Variants in CAMSAP3 observed in about 807,000 individuals in gnomAD.
CAMSAP3 encodes calmodulin regulated spectrin associated protein family member 3.
In CAMSAP3, 34 loss-of-function variants were observed where a neutral mutation model predicts 112.5. That is an observed-to-expected ratio of 0.30 (90% CI 0.23 to 0.40). CAMSAP3 has a LOEUF of 0.40. Among genes scored for constraint, CAMSAP3 ranks in the 10% least tolerant of loss-of-function variants. CAMSAP3 has a pLI of 1.00. For missense variants in CAMSAP3, 1,602 were observed against 1,770.3 expected (o/e 0.90, Z 1.71); for synonymous variants, 868 against 799.8 (o/e 1.09, Z -1.44).
chr19:7,614,312 AC>A (rs1246723522), intron 11 of CAMSAP3, among the ~76,000 whole-genome samples: 1 of 128,302 alleles, frequency 7.8e-6, no homozygotes, highest in African/African-American at 2.9e-5. Flanking sequence ...CCTGGGGAGG[AC>A]TTCCTTTTCA....
chr19:7,596,956 GTA>G lies in CAMSAP3; in HGVS notation c.148+807_148+808del, dbSNP rs141755523. 5.4e-4 allele frequency among the ~76,000 whole-genome samples: 82 copies of G among 152,166 alleles called. No homozygotes were observed. The East Asian group carries it at 0.014, about 27-fold the overall frequency. On this transcript the variant is annotated intron_variant, in intron 1 of 16. Transcript: ENST00000160298. ...GAGCCACCCTAATGGGGAGGATGCC[GTA>G]ATCCCGGGTCCCCGGGATTAGAGGC... is the stretch of plus-strand genomic sequence containing the variant.
Position 7,615,214 on chromosome 19 carries a change from A to G in CAMSAP3, c.2702A>G (p.Gln901Arg), listed in dbSNP as rs772767331. 1.9e-6 allele frequency: 3 copies of G among 1,553,072 alleles called. No homozygotes were observed. Among genetic ancestry groups the G allele is most frequent in the Non-Finnish European group, 1.7e-6 (2 of 1,148,506 alleles). Reference sequence around the variant, plus strand: ...GACAAGCCTGAGGACGAGATGGCCCAAAAGCGGGCCAGCCTGCTGGAGCGG... The same window carrying G: ...GACAAGCCTGAGGACGAGATGGCCCGAAAGCGGGCCAGCCTGCTGGAGCGG... ...DEDKPEDEMA[Q>R]KRASLLERQQ... The change falls in exon 12 of 17, where the codon CAA becomes CGA. Residue 901 changes from glutamine to arginine, a missense_variant. Physicochemically the swap from Gln to Arg is conservative, Grantham distance 43. Around this residue, in one of 6 missense-constraint regions of CAMSAP3, gnomAD observed 1,100 missense variants for 1,135.7 expected, o/e 0.97. Coordinates refer to ENST00000160298, the MANE Select transcript of CAMSAP3 (RefSeq NM_020902.2). This position sits in a 1 kb window ranked among gnomAD's most constrained non-coding sequence, Gnocchi z 6.5.
At position 7,605,933 on chromosome 19, in the gene CAMSAP3, T is replaced by C. The variant is rs1333277984; in HGVS notation, c.403-338T>C. ...TTCCCCCCAGCCCTGGCTCCTCCCC[T>C]CAAGCTCTTCCCATCAAGCCTGGCC... On this transcript the variant is annotated intron_variant, in intron 2 of 16. Coordinates refer to ENST00000160298, the MANE Select transcript of CAMSAP3 (RefSeq NM_020902.2). 2.6e-5 allele frequency among the ~76,000 whole-genome samples: 4 copies of C among 151,228 alleles called. No individual in the cohort carries two copies. The East Asian group carries it at 7.8e-4, about 30-fold the overall frequency.
chr19:7,610,369 G>A lies in CAMSAP3; in HGVS notation c.761-107G>A. On this transcript the variant is annotated intron_variant, in intron 5 of 16. Coordinates refer to ENST00000160298, the MANE Select transcript of CAMSAP3 (RefSeq NM_020902.2). The surrounding 1 kb of genome is among the most constrained non-coding windows in gnomAD (Gnocchi z 4.9). ...CTCGAAGGGCACCTGGCAGAAGCTG[G>A]GCTCATAGGAGGTCTTCCGTGTGTG... The A allele has an allele frequency of 1.0e-6, 1 of 983,726 alleles. No homozygotes were observed. Among genetic ancestry groups the A allele is most frequent in the East Asian group, 2.5e-5 (1 of 40,648 alleles). The allele number at this position is 983,726 out of a possible 1,614,324, so 60.9% of individuals were successfully genotyped here.
In CAMSAP3 at chr19:7,608,094, G is replaced by C. The variant is rs2030307438; in HGVS notation, c.622-32G>C. ...GACCGCTGACCCTGGGGGCCAGCCT[G>C]GCCACTCACCTGACCTGGCTCCCAT... On this transcript the variant is annotated intron_variant, in intron 4 of 16. Coordinates refer to ENST00000160298, the MANE Select transcript of CAMSAP3 (RefSeq NM_020902.2). The C allele has an allele frequency of 3.8e-6, 6 of 1,598,144 alleles. No homozygotes were observed. The East Asian group carries it at 1.3e-4, about 36-fold the overall frequency.
At chr19:7,606,970 C>T (rs1208082091) in intron 4 of CAMSAP3, among the ~76,000 whole-genome samples, 1 of 152,118 alleles carries the variant, frequency 6.6e-6, no homozygotes, top group Non-Finnish European at 1.5e-5. Flanking sequence ...GAGAACCCCT[C>T]TGTGAACCAA....
chr19:7,606,699 C>A (rs1028724039), intron 4 of CAMSAP3, 128 bp downstream of exon 4: 1 of 1,594,190 alleles, frequency 6.3e-7, no homozygotes, highest in Non-Finnish European at 8.6e-7. Flanking sequence ...TTTCTTCCCC[C>A]CTCTCTCAAT....
chr19:7,596,745 C>G (rs778262383), intron 1 of CAMSAP3, among the ~76,000 whole-genome samples: 116 of 152,288 alleles, frequency 7.6e-4, no homozygotes, highest in Admixed American at 2.9e-3. Context: ...TCCATAGCCC[C>G]CTCCAGCGCC....
chr19:7,617,849 A>T lies in CAMSAP3; in HGVS notation c.3542A>T (p.Glu1181Val). 6.2e-7 allele frequency: 1 copy of T among 1,613,862 alleles called. No individual in the cohort carries two copies. Among genetic ancestry groups the T allele is most frequent in the Non-Finnish European group, 8.5e-7 (1 of 1,180,020 alleles). ...TACACGCTGTCGGGGGAGACAGAGG[A>T]GCTGTCGCGGCTGGCAGGGTATGGG... Reference protein sequence around the residue: ...ALYTLSGETEELSRLAGYGPR... With the variant: ...ALYTLSGETEVLSRLAGYGPR... Residue 1181 changes from glutamate (E) to valine (V), a missense_variant, in exon 17 of 17, where the codon GAG becomes GTG. Glu to Val is a moderately radical substitution (Grantham distance 121). Transcript: ENST00000160298. This position sits in a 1 kb window ranked among gnomAD's most constrained non-coding sequence, Gnocchi z 7.5.
intron 2 of CAMSAP3, 87 bp from the exon 3 acceptor site, chr19:7,606,184 C>T: frequency 4.4e-6 from 4 of 914,258 alleles, no homozygotes; most frequent in Non-Finnish European, 6.3e-6. Context: ...CTCCCATCTG[C>T]AGGTTCTTCC....
intron 13 of CAMSAP3, among the ~76,000 whole-genome samples, chr19:7,616,197 CAAAA>C (rs74266728): frequency 0.21 from 19,506 of 94,470 alleles, 1,344 homozygotes; most frequent in African/African-American, 0.22. Context: ...AGAAATAAGA[CAAAA>C]AAAAAAAAAA....
In CAMSAP3 at chr19:7,610,555, C is replaced by T. The variant is rs2030424798; in HGVS notation, c.840C>T (p.Arg280=). 6.2e-7 allele frequency: 1 copy of T among 1,613,698 alleles called. No individual in the cohort carries two copies. The highest frequency in any genetic ancestry group is 1.7e-5 in the Admixed American group (1 of 60,004). Residue 280 remains arginine (R), a synonymous_variant, in exon 6 of 17, where the codon CGC becomes CGT. Coordinates refer to ENST00000160298, the MANE Select transcript of CAMSAP3 (RefSeq NM_020902.2). This position sits in a 1 kb window ranked among gnomAD's most constrained non-coding sequence, Gnocchi z 4.9. ...TCGTGCAGGATTTCTGTGCCTCTCG[C>T]CTTCCTCGTGGCTGCCCCCTGTCCC... ...LQLVQDFCAS[R]LPRGCPLSLE... is the part of the protein sequence containing the mutation.
rs756787201 is a variant in CAMSAP3 at position 7,617,318 on chromosome 19, C to T, written c.3213-8C>T. 9.3e-6 allele frequency: 15 copies of T among 1,604,988 alleles called. No individual in the cohort carries two copies. Among genetic ancestry groups the T allele is most frequent in the Non-Finnish European group, 1.3e-5 (15 of 1,171,724 alleles). ...CCCCACCTCCATCCCATCCTTCTCCCACTGCAGGGCTCCCTCCCCGTCAGG... is the reference window on the plus strand; with the variant it reads ...CCCCACCTCCATCCCATCCTTCTCCTACTGCAGGGCTCCCTCCCCGTCAGG... On this transcript the variant is annotated splice_polypyrimidine_tract_variant and splice_region_variant and intron_variant, in intron 14 of 16. Transcript: ENST00000160298. This position sits in a 1 kb window ranked among gnomAD's most constrained non-coding sequence, Gnocchi z 7.5.
rs1366793727 is a variant in CAMSAP3, at chr19:7,617,137, G to A, written c.3213-189G>A. Among the ~76,000 whole-genome samples, 1 of 151,748 alleles carries A rather than the reference G, an allele frequency of 6.6e-6. No individual in the cohort carries two copies. The highest frequency in any genetic ancestry group is 1.5e-5 in the Non-Finnish European group (1 of 67,930). Reference sequence around the variant, plus strand: ...TCACCATGTTGGCCAGGCTGGCCTCGAACTCCCGACCTCAAGTGATCTGCC... The same window carrying A: ...TCACCATGTTGGCCAGGCTGGCCTCAAACTCCCGACCTCAAGTGATCTGCC... On this transcript the variant is annotated intron_variant, in intron 14 of 16. Transcript: ENST00000160298. The surrounding 1 kb of genome is among the most constrained non-coding windows in gnomAD (Gnocchi z 7.5).
chr19:7,597,919 G>C (rs2024471902), intron 1 of CAMSAP3, among the ~76,000 whole-genome samples: 1 of 152,114 alleles, frequency 6.6e-6, no homozygotes, highest in African/African-American at 2.4e-5. Flanking sequence ...GGCAGTGGCT[G>C]CCTCTACCGT....
At chr19:7,606,778 G>T in intron 4 of CAMSAP3, 1 of 1,613,784 alleles carries the variant, frequency 6.2e-7, no homozygotes, top group Non-Finnish European at 8.5e-7. Flanking sequence ...TGGCCTCAGT[G>T]CCCTACGCGC....
Position 7,610,304 on chromosome 19 carries a change from C to T in CAMSAP3, c.761-172C>T, listed in dbSNP as rs995880894. 2.7e-5 allele frequency among the ~76,000 whole-genome samples: 4 copies of T among 145,798 alleles called. No individual in the cohort carries two copies. The highest frequency in any genetic ancestry group is 7.7e-5 in the African/African-American group (3 of 38,860). On this transcript the variant is annotated intron_variant, in intron 5 of 16. Transcript: ENST00000160298. This position sits in a 1 kb window ranked among gnomAD's most constrained non-coding sequence, Gnocchi z 4.9. The stretch of plus-strand genomic sequence containing the variant: ...CTGCACTACAGCCTGGGTGACAGAG[C>T]GAGACTCCATCTCAAAAAAAAAAAA...
In CAMSAP3 at chr19:7,611,097, C is replaced by A. The variant is rs926396897; in HGVS notation, c.1052C>A (p.Ser351Tyr). 6.2e-7 allele frequency: 1 copy of A among 1,613,662 alleles called. No homozygotes were observed. The highest frequency in any genetic ancestry group is 1.3e-5 in the African/African-American group (1 of 74,898). The change falls in exon 9 of 17, where the codon TCT (serine) becomes TAT (tyrosine). Residue 351 changes from serine (S) to tyrosine (Y), a missense_variant and splice_region_variant. Around this residue, in one of 6 missense-constraint regions of CAMSAP3, gnomAD observed 1,100 missense variants for 1,135.7 expected, o/e 0.97. Transcript: ENST00000160298. The surrounding 1 kb of genome is among the most constrained non-coding windows in gnomAD (Gnocchi z 6.9). ...CTGAAGTACGTCTCTCCGTACAGTT[C>A]TCCTGTCTTCACCTTCCGCCACCCG... Reference protein sequence around the residue: ...SPPQNNSGSSSPVFTFRHPLL... With the variant: ...SPPQNNSGSSYPVFTFRHPLL...
chr19:7,610,408 C>G lies in CAMSAP3; in HGVS notation c.761-68C>G. The G allele has an allele frequency of 6.8e-7, 1 of 1,471,264 alleles. No homozygotes were observed. Among genetic ancestry groups the G allele is most frequent in the Non-Finnish European group, 9.2e-7 (1 of 1,082,348 alleles). 91.1% of individuals were successfully genotyped at this position (1,471,264 alleles called of 1,614,324 possible). A position where few individuals can be genotyped will look rare whatever the true frequency, so the allele number is the denominator to read the frequency against. The stretch of plus-strand genomic sequence containing the variant: ...CTTCCGTGTGTGGGGGACTGCTGGT[C>G]CCTGGCTTCCCTGGGGCCCCATCCT... On this transcript the variant is annotated intron_variant, in intron 5 of 16. Transcript: ENST00000160298. This position sits in a 1 kb window ranked among gnomAD's most constrained non-coding sequence, Gnocchi z 4.9.
Sources: allele counts gnomAD v4.1 joint callset (sites outside exome capture counted in the v4.1 genomes callset), GRCh38; gene constraint gnomAD v4.1.1; regional missense constraint gnomAD v4.1.1; non-coding constraint Gnocchi (gnomAD v3.1); transcripts MANE v1.5; gene names NCBI Gene and HGNC (gene_info 2026-07-23, HGNC 2026-07-21).